PALLD: variants seen among roughly 807,000 people sequenced by gnomAD.
The protein encoded by PALLD is palladin.
PALLD carries 61 observed loss-of-function variants against 123.5 expected under a neutral mutation model. The ratio of observed to expected loss-of-function variants is 0.49; its 90% CI spans 0.40 to 0.61. PALLD has a LOEUF of 0.61. PALLD is among the 20% of genes least tolerant of loss of function. The probability of loss-of-function intolerance (pLI) is 0.00; values close to 1 mark genes in which losing one functional copy is unlikely to be tolerated. For synonymous variants in PALLD, 465 were observed against 496.4 expected, an observed-to-expected ratio of 0.94 and a Z score of 0.84; for missense variants, 1,273 against 1,377.0, an observed-to-expected ratio of 0.92 and a Z score of 1.20.
intron 10 of PALLD, among the ~76,000 whole-genome samples, chr4:168,740,079 A>T (rs983180544): frequency 6.6e-6 from 1 of 152,154 alleles, no homozygotes; most frequent in Non-Finnish European, 1.5e-5. Flanking sequence ...AAAAAATGAC[A>T]CATGCCATTT....
chr4:168,911,585 T>C (rs1758957745), intron 15 of PALLD, among the ~76,000 whole-genome samples: 1 of 152,210 alleles, frequency 6.6e-6, no homozygotes, highest in Admixed American at 6.5e-5. Flanking sequence ...AGTTGGATAG[T>C]TCATGATGGA....
At chr4:168,735,630 C>A (rs891660275) in intron 10 of PALLD, among the ~76,000 whole-genome samples, 1 of 152,136 alleles carries the variant, frequency 6.6e-6, no homozygotes, top group Non-Finnish European at 1.5e-5. Flanking sequence ...CTTTTTCTCT[C>A]CTTCCATTAG....
At position 168,922,098 on chromosome 4, in the gene PALLD, TATATACACAC is replaced by T. The variant is rs1313530515; in HGVS notation, c.3058+359_3058+368del. Among the ~76,000 whole-genome samples the T allele has an allele frequency of 3.2e-3, 341 of 107,616 alleles. 1 individual carries two copies. Among genetic ancestry groups the T allele is most frequent in the African/African-American group, 6.0e-3 (191 of 31,960 alleles). 70.6% of individuals were successfully genotyped at this position (107,616 alleles called of 152,430 possible). On this transcript the variant is annotated intron_variant, in intron 18 of 21. Coordinates refer to ENST00000505667, the MANE Select transcript of PALLD (RefSeq NM_001166108.2). ...AAAGTTTTATATTTATATATATATA[TATATACACAC>T]ACACACACACACACACACACACACA...
At chr4:168,780,662 C>T (rs72701843) in intron 10 of PALLD, among the ~76,000 whole-genome samples, 42 of 151,916 alleles carry the variant, frequency 2.8e-4, no homozygotes, top group African/African-American at 9.4e-4. Flanking sequence ...TGCATGTGCC[C>T]GCATGTGTAG....
chr4:168,623,328 T>C (rs191902737), intron 2 of PALLD, among the ~76,000 whole-genome samples: 35 of 152,338 alleles, frequency 2.3e-4, no homozygotes, highest in Non-Finnish European at 4.0e-4. Context: ...TACTTTATTA[T>C]AGAAATAACA....
chr4:168,764,691 A>G (rs1389606276), intron 10 of PALLD, among the ~76,000 whole-genome samples: 2 of 152,114 alleles, frequency 1.3e-5, no homozygotes, highest in Admixed American at 1.3e-4. Flanking sequence ...ACAGCTTCTC[A>G]GATTCTTCTC....
rs1731168506 is a variant in PALLD, at chr4:168,752,314, C to T, written c.1964+40391C>T. Among the ~76,000 whole-genome samples, 4 of 152,248 alleles carry T rather than the reference C, an allele frequency of 2.6e-5. No homozygotes were observed. In the South Asian group the frequency reaches 8.3e-4, roughly 32 times the overall value. On this transcript the variant is annotated intron_variant, in intron 10 of 21. Coordinates refer to ENST00000505667, the MANE Select transcript of PALLD (RefSeq NM_001166108.2). ...ACTTGAGCCCAGGAGGCTGAGGTTG[C>T]AGTGAGCAGAGATCACGCCACTGCA...
intron 1 of PALLD, among the ~76,000 whole-genome samples, chr4:168,499,566 C>T (rs1269000440): frequency 6.6e-6 from 1 of 151,388 alleles, no homozygotes; most frequent in Non-Finnish European, 1.5e-5. Context: ...AACTGCTAAA[C>T]CTAAAATTAA....
At chr4:168,773,815 C>T (rs149116383) in intron 10 of PALLD, among the ~76,000 whole-genome samples, 30 of 152,248 alleles carry the variant, frequency 2.0e-4, no homozygotes, top group African/African-American at 5.8e-4. Flanking sequence ...CCCTCAAATC[C>T]GAAAGGTCAC....
chr4:168,681,540 A>AT (rs34328020), intron 4 of PALLD, 142 bp downstream of exon 4: 15,837 of 336,230 alleles, frequency 0.047, 103 homozygotes, highest in South Asian at 0.05. Flanking sequence ...TTGGAACACA[A>AT]TTTTTTTTTT....
chr4:168,631,161 G>A (rs1406349910), intron 2 of PALLD, among the ~76,000 whole-genome samples: 2 of 152,212 alleles, frequency 1.3e-5, no homozygotes, highest in African/African-American at 2.4e-5. Flanking sequence ...CAGTAAGGCG[G>A]CATCAGAGGA....
chr4:168,925,134 A>AC, intron 20 of PALLD, 56 bp downstream of exon 20: 4 of 1,602,760 alleles, frequency 2.5e-6, no homozygotes, highest in Non-Finnish European at 3.4e-6. Flanking sequence ...ATGAAAAATT[A>AC]GACATCTGGA....
chr4:168,737,431 A>C (rs972367716), intron 10 of PALLD, among the ~76,000 whole-genome samples: 1 of 152,242 alleles, frequency 6.6e-6, no homozygotes, highest in African/African-American at 2.4e-5. Context: ...ATTGTTGGCT[A>C]TGTGAGTAAT....
chr4:168,925,480 G>A (rs1206317075), intron 21 of PALLD: 2 of 580,894 alleles, frequency 3.4e-6, no homozygotes, highest in African/African-American at 1.9e-5. Context: ...CTATCGCAGT[G>A]TCCTAATGCA....
At chr4:168,542,846 T>C (rs542817491) in intron 2 of PALLD, among the ~76,000 whole-genome samples, 8 of 150,314 alleles carry the variant, frequency 5.3e-5, no homozygotes, top group African/African-American at 2.0e-4. Context: ...TTTGGGCCTA[T>C]CTGATGGCCT....
chr4:168,585,594 G>A (rs1429576144), intron 2 of PALLD, among the ~76,000 whole-genome samples: 1 of 152,158 alleles, frequency 6.6e-6, no homozygotes, highest in African/African-American at 2.4e-5. Context: ...AGGGGGGCCT[G>A]GGATCCAGTC....
At chr4:168,826,927 T>TCAGCCC (rs1289041949) in intron 10 of PALLD, among the ~76,000 whole-genome samples, 9 of 152,192 alleles carry the variant, frequency 5.9e-5, no homozygotes, top group African/African-American at 1.9e-4. Flanking sequence ...GATGATCTCT[T>TCAGCCC]CAGCCCCCTC....
chr4:168,686,871 T>C (rs1396809293), intron 6 of PALLD, among the ~76,000 whole-genome samples: 1 of 152,174 alleles, frequency 6.6e-6, no homozygotes, highest in Non-Finnish European at 1.5e-5. Flanking sequence ...TCCTATAAGA[T>C]AGCAAGACGT....
chr4:168,827,066 G>A (rs1196984641), intron 10 of PALLD, among the ~76,000 whole-genome samples: 2 of 152,170 alleles, frequency 1.3e-5, no homozygotes, highest in Non-Finnish European at 2.9e-5. Context: ...AGACCTGGTT[G>A]TCATTCTCCC....
Sources: allele counts gnomAD v4.1 joint callset (sites outside exome capture counted in the v4.1 genomes callset), GRCh38; gene constraint gnomAD v4.1.1; transcripts MANE v1.5; gene names NCBI Gene and HGNC (gene_info 2026-07-23, HGNC 2026-07-21).